The following RBFOX1 variants were observed in gnomAD, a reference collection of about 807,000 sequenced individuals.
RBFOX1 encodes the protein RNA binding protein fox-1 homolog 1.
Under a neutral mutation model 57.7 loss-of-function variants are expected in RBFOX1, and 8 were observed. The observed-to-expected ratio is 0.14, with a 90% CI of 0.08 to 0.25. RBFOX1 has a LOEUF of 0.25. Ranked by LOEUF, RBFOX1 falls within the 10% of genes least tolerant of loss-of-function variation. RBFOX1 has a pLI of 1.00. For synonymous variants in RBFOX1, 326 were observed against 222.4 expected, an observed-to-expected ratio of 1.47 and a Z score of -4.15; for missense variants, 611 against 548.5, an observed-to-expected ratio of 1.11 and a Z score of -1.14.
chr16:7,349,847 G>A (rs1324811875), intron 4 of RBFOX1, among the ~76,000 whole-genome samples: 1 of 152,118 alleles, frequency 6.6e-6, no homozygotes, highest in Non-Finnish European at 1.5e-5. Context: ...TGCTAGGAAG[G>A]AAATAAAATA....
chr16:6,954,622 G>T (rs1394444999), intron 3 of RBFOX1, among the ~76,000 whole-genome samples: 1 of 151,958 alleles, frequency 6.6e-6, no homozygotes, highest in African/African-American at 2.4e-5. Flanking sequence ...AGAAACTGAG[G>T]CAAAAAGAGG....
At chr16:7,314,260 GCACCGTATTAATGATTTATAC>G (rs2096387771) in intron 4 of RBFOX1, among the ~76,000 whole-genome samples, 1 of 152,108 alleles carries the variant, frequency 6.6e-6, no homozygotes, top group South Asian at 2.1e-4. Flanking sequence ...TCACTGCCCG[GCACCGTATTAATGATTTATAC>G]ACCCCGCACC....
intron 4 of RBFOX1, among the ~76,000 whole-genome samples, chr16:7,130,131 C>G (rs2069849496): frequency 6.6e-6 from 1 of 150,462 alleles, no homozygotes; most frequent in African/African-American, 2.5e-5. Context: ...CTCCTGGGTT[C>G]AAGCAATTCT....
chr16:5,719,957 CG>C (rs1349480843), intron 3 of RBFOX1, among the ~76,000 whole-genome samples: 1 of 152,018 alleles, frequency 6.6e-6, no homozygotes, highest in African/African-American at 2.4e-5. Context: ...GACTCTTCCC[CG>C]CCCCGCCCCC....
At chr16:7,057,865 A>T (rs925527330) in intron 4 of RBFOX1, among the ~76,000 whole-genome samples, 7 of 151,930 alleles carry the variant, frequency 4.6e-5, no homozygotes, top group Admixed American at 2.6e-4. Context: ...AAAATTAGCC[A>T]GGCATGGTGG....
intron 2 of RBFOX1, among the ~76,000 whole-genome samples, chr16:6,379,093 A>T (rs2795561): frequency 6.6e-6 from 1 of 152,064 alleles, no homozygotes; most frequent in South Asian, 2.1e-4. Flanking sequence ...AGCTTTCTAA[A>T]CTGGGTATTT....
chr16:7,673,315 G>A (rs536995070), intron 13 of RBFOX1, among the ~76,000 whole-genome samples: 4 of 152,168 alleles, frequency 2.6e-5, no homozygotes, highest in Non-Finnish European at 5.9e-5. Context: ...CACAAACAGA[G>A]TAACCAGTTT....
intron 4 of RBFOX1, among the ~76,000 whole-genome samples, chr16:7,435,235 G>A (rs551516326): frequency 1.3e-5 from 2 of 151,660 alleles, no homozygotes; most frequent in South Asian, 2.1e-4. Context: ...TGTATTTAAC[G>A]ACCTTGTCTT....
intron 6 of RBFOX1, 68 bp from the exon 7 acceptor site, chr16:7,587,179 A>C: frequency 2.2e-6 from 3 of 1,350,400 alleles, no homozygotes; most frequent in Non-Finnish European, 2.9e-6. Context: ...GGAAACAATT[A>C]CTACTGTACA....
chr16:7,556,931 A>G (rs1273373095), intron 5 of RBFOX1, among the ~76,000 whole-genome samples: 1 of 152,196 alleles, frequency 6.6e-6, no homozygotes, highest in African/African-American at 2.4e-5. Context: ...CCATTTCCAT[A>G]GTTTCTAAGG....
intron 1 of RBFOX1, among the ~76,000 whole-genome samples, chr16:5,248,827 A>G (rs1453113776): frequency 6.6e-6 from 1 of 152,074 alleles, no homozygotes; most frequent in African/African-American, 2.4e-5. Context: ...TGTCTCTAAT[A>G]AAAATACAAT....
chr16:6,844,317 G>C (rs112087174), intron 3 of RBFOX1, among the ~76,000 whole-genome samples: 22 of 152,164 alleles, frequency 1.4e-4, no homozygotes, highest in African/African-American at 4.6e-4. Flanking sequence ...ATTAAATCTG[G>C]TGTTCATTAG....
At chr16:6,642,571 C>G (rs1183511303) in intron 2 of RBFOX1, among the ~76,000 whole-genome samples, 1 of 151,830 alleles carries the variant, frequency 6.6e-6, no homozygotes, top group Non-Finnish European at 1.5e-5. Context: ...ATATGGAAGC[C>G]TCTTGTCCTC....
intron 3 of RBFOX1, among the ~76,000 whole-genome samples, chr16:6,683,230 A>C (rs141506282): frequency 8.4e-4 from 128 of 152,356 alleles, no homozygotes; most frequent in Non-Finnish European, 1.4e-3. Context: ...TTCTAAATTT[A>C]AAAAGACAAA....
At chr16:7,046,576 T>A (rs1597969362) in intron 3 of RBFOX1, among the ~76,000 whole-genome samples, 1 of 151,366 alleles carries the variant, frequency 6.6e-6, no homozygotes, top group Admixed American at 6.6e-5. Flanking sequence ...CGTATGCCTC[T>A]TTGTTTCTGT....
intron 3 of RBFOX1, among the ~76,000 whole-genome samples, chr16:6,790,078 AT>A (rs1200672600): frequency 2.3e-5 from 3 of 131,666 alleles, no homozygotes; most frequent in Non-Finnish European, 5.3e-5. Flanking sequence ...ACTTATTTAT[AT>A]TTTTCTATTA....
intron 4 of RBFOX1, among the ~76,000 whole-genome samples, chr16:7,088,338 C>G (rs2060297205): frequency 6.6e-6 from 1 of 151,758 alleles, no homozygotes; most frequent in Admixed American, 6.5e-5. Context: ...GTTTTTGTTT[C>G]TGTTTCTCTC....
chr16:5,717,768 A>G (rs958293336), intron 3 of RBFOX1, among the ~76,000 whole-genome samples: 2 of 152,208 alleles, frequency 1.3e-5, no homozygotes, highest in African/African-American at 4.8e-5. Context: ...TGTTTGCAAG[A>G]AGATTTGGTA....
At chr16:6,268,712 A>C (rs917697355) in intron 1 of RBFOX1, among the ~76,000 whole-genome samples, 3 of 152,188 alleles carry the variant, frequency 2.0e-5, no homozygotes, top group Admixed American at 2.0e-4. Flanking sequence ...GTTCTTAGGG[A>C]TCTTACAGTT....
Sources: allele counts gnomAD v4.1 joint callset (sites outside exome capture counted in the v4.1 genomes callset), GRCh38; gene constraint gnomAD v4.1.1; transcripts MANE v1.5; gene names NCBI Gene and HGNC (gene_info 2026-07-23, HGNC 2026-07-21).